Variants in SUPT3H observed in about 807,000 individuals in gnomAD.
SUPT3H encodes SPT3 homolog, SAGA and STAGA complex component.
Under a neutral mutation model 44.3 loss-of-function variants are expected in SUPT3H, and 44 were observed. That is an observed-to-expected ratio of 0.99 (90% CI 0.78 to 1.28). The LOEUF (loss-of-function observed/expected upper bound fraction) is 1.28. Ranked by LOEUF, SUPT3H falls within the 50% of genes most tolerant of loss-of-function variation. SUPT3H has a pLI of 0.00. For synonymous variants in SUPT3H, 124 were observed against 125.6 expected (o/e 0.99, Z 0.09); for missense variants, 380 against 387.1 (o/e 0.98, Z 0.15).
chr6:45,177,535 C>G (rs1408392405), intron 2 of SUPT3H, among the ~76,000 whole-genome samples: 14 of 152,082 alleles, frequency 9.2e-5, no homozygotes, highest in Admixed American at 7.9e-4. Context: ...TCTAGCAAGG[C>G]AGGCCAACAT....
At chr6:44,972,758 C>T (rs1285813330) in intron 6 of SUPT3H, among the ~76,000 whole-genome samples, 1 of 152,182 alleles carries the variant, frequency 6.6e-6, no homozygotes, top group African/African-American at 2.4e-5. Context: ...TCTTTGCTCC[C>T]ACAGACTCAA....
At chr6:44,980,872 C>A (rs546594840) in intron 6 of SUPT3H, among the ~76,000 whole-genome samples, 1 of 152,234 alleles carries the variant, frequency 6.6e-6, no homozygotes, top group Admixed American at 6.5e-5. Context: ...GTCAAATAAC[C>A]ATGTCTAATA....
intron 10 of SUPT3H, among the ~76,000 whole-genome samples, chr6:44,840,714 A>G (rs1311842007): frequency 6.6e-6 from 1 of 152,178 alleles, no homozygotes; most frequent in Non-Finnish European, 1.5e-5. Context: ...CAGCAATTAC[A>G]TGTGTAAAAC....
At chr6:45,269,224 C>A (rs1161023956) in intron 2 of SUPT3H, among the ~76,000 whole-genome samples, 3 of 152,100 alleles carry the variant, frequency 2.0e-5, no homozygotes, top group Non-Finnish European at 4.4e-5. Flanking sequence ...CTTAGTTGAA[C>A]AAAATTAAAT....
chr6:45,056,236 A>T (rs529932625), intron 3 of SUPT3H, among the ~76,000 whole-genome samples: 61 of 152,300 alleles, frequency 4.0e-4, no homozygotes, highest in African/African-American at 1.4e-3. Context: ...GCTGGTGGGA[A>T]TGTAAACTGT....
In SUPT3H at chr6:45,245,133, G is replaced by A. The variant is rs984768864; in HGVS notation, c.101+120068C>T. The stretch of plus-strand genomic sequence containing the variant: ...TTTCTACAAGTTTTTCATTGCAAAT[G>A]TGTAGTATTTCAGATATTTCACATG... On this transcript the variant is annotated intron_variant, in intron 2 of 10. Transcript: ENST00000371459. 7.0e-4 allele frequency among the ~76,000 whole-genome samples: 107 copies of A among 152,050 alleles called. 1 individual carries two copies. The highest frequency in any genetic ancestry group is 2.0e-4 in the Admixed American group (3 of 15,276).
intron 2 of SUPT3H, among the ~76,000 whole-genome samples, chr6:45,333,613 A>G (rs1481181861): frequency 1.3e-5 from 2 of 151,466 alleles, no homozygotes; most frequent in Non-Finnish European, 3.0e-5. Context: ...ACTAATAAAC[A>G]GAAACTGCAT....
At chr6:45,241,796 A>C (rs1290764888) in intron 2 of SUPT3H, among the ~76,000 whole-genome samples, 1 of 152,218 alleles carries the variant, frequency 6.6e-6, no homozygotes, top group Non-Finnish European at 1.5e-5. Flanking sequence ...GGAAAAAGAA[A>C]GGTAACTAGA....
chr6:44,867,777 T>G (rs1582085114), intron 10 of SUPT3H, among the ~76,000 whole-genome samples: 2 of 152,216 alleles, frequency 1.3e-5, no homozygotes, highest in East Asian at 3.8e-4. Flanking sequence ...CCTTATGACA[T>G]GGCTGCCTCC....
chr6:45,327,887 C>A (rs1786637258), intron 2 of SUPT3H, among the ~76,000 whole-genome samples: 1 of 151,876 alleles, frequency 6.6e-6, no homozygotes, highest in Non-Finnish European at 1.5e-5. Context: ...CACTGTTGTT[C>A]AGAATTTCAC....
At chr6:45,168,834 A>G (rs539158452) in intron 2 of SUPT3H, among the ~76,000 whole-genome samples, 1 of 152,356 alleles carries the variant, frequency 6.6e-6, no homozygotes, top group Non-Finnish European at 1.5e-5. Context: ...GAGAAAGCTT[A>G]GCTTAAACTG....
chr6:44,991,734 G>T (rs891587318), intron 6 of SUPT3H, among the ~76,000 whole-genome samples: 2 of 152,002 alleles, frequency 1.3e-5, no homozygotes, highest in Non-Finnish European at 2.9e-5. Context: ...GCAACAATAA[G>T]AATTAAACTA....
intron 2 of SUPT3H, among the ~76,000 whole-genome samples, chr6:45,353,244 C>G (rs1024915526): frequency 1.3e-5 from 2 of 151,910 alleles, no homozygotes; most frequent in Admixed American, 1.3e-4. Flanking sequence ...AAAAATGAAA[C>G]TACTTAAAAT....
chr6:45,237,702 C>T (rs1183650731), intron 2 of SUPT3H, among the ~76,000 whole-genome samples: 2 of 152,050 alleles, frequency 1.3e-5, no homozygotes, highest in Non-Finnish European at 2.9e-5. Flanking sequence ...ACAATGGCTG[C>T]TAAGTAAAGA....
chr6:44,867,538 T>C (rs1040705758), intron 10 of SUPT3H, among the ~76,000 whole-genome samples: 1 of 151,672 alleles, frequency 6.6e-6, no homozygotes, highest in Non-Finnish European at 1.5e-5. Context: ...CTAGTCAGAA[T>C]TGCTGTCTCT....
At chr6:45,187,312 G>C (rs1411378178) in intron 2 of SUPT3H, among the ~76,000 whole-genome samples, 1 of 151,780 alleles carries the variant, frequency 6.6e-6, no homozygotes, top group African/African-American at 2.4e-5. Context: ...CTACTCAGGA[G>C]GCTAAGGCAG....
At chr6:45,267,939 G>A (rs999088258) in intron 2 of SUPT3H, among the ~76,000 whole-genome samples, 3 of 152,254 alleles carry the variant, frequency 2.0e-5, no homozygotes, top group South Asian at 2.1e-4. Flanking sequence ...ACAAATAATT[G>A]TTGCCACTGA....
At chr6:45,052,326 T>C (rs1719731524) in intron 3 of SUPT3H, among the ~76,000 whole-genome samples, 2 of 152,182 alleles carry the variant, frequency 1.3e-5, no homozygotes, top group African/African-American at 4.8e-5. Flanking sequence ...CATTCTGAAA[T>C]TTAAATTAAA....
intron 2 of SUPT3H, among the ~76,000 whole-genome samples, chr6:45,210,580 T>G (rs1338291044): frequency 6.6e-6 from 1 of 152,154 alleles, no homozygotes; most frequent in Admixed American, 6.6e-5. Flanking sequence ...TTGATTGATA[T>G]CTCATGTCTC....
Sources: gnomAD v4.1 joint callset for allele counts (sites outside exome capture counted in the v4.1 genomes callset) on GRCh38, gnomAD v4.1.1 for gene constraint, MANE v1.5 for transcripts, NCBI Gene and HGNC (gene_info 2026-07-23, HGNC 2026-07-21) for gene names.